The following KDM1A variants were observed in gnomAD, a reference collection of about 807,000 sequenced individuals.
The protein encoded by KDM1A is lysine-specific histone demethylase 1A.
KDM1A carries 49 observed loss-of-function variants against 109.4 expected under a neutral mutation model. That is an observed-to-expected ratio of 0.45 (90% CI 0.36 to 0.57). The LOEUF is 0.57. Ranked by LOEUF, KDM1A falls within the 20% of genes least tolerant of loss-of-function variation. The pLI is 0.00. For synonymous variants in KDM1A, 380 were observed against 415.4 expected, an observed-to-expected ratio of 0.91 and a Z score of 1.04; for missense variants, 668 against 1,116.6, an observed-to-expected ratio of 0.60 and a Z score of 5.73.
In KDM1A at chr1:23,082,403, A is replaced by G. The variant is rs199835411; in HGVS notation, c.2445+37A>G. ...GCAAACTATCTGGGCTTATTTGGGA[A>G]GAGGCCAGGATCTCATGATGTCCCT... On this transcript the variant is annotated intron_variant, in intron 20 of 20. Coordinates refer to ENST00000400181, the MANE Select transcript of KDM1A (RefSeq NM_001009999.3). 75 of 1,579,262 alleles carry G rather than the reference A, an allele frequency of 4.7e-5. No homozygotes were observed. The East Asian group carries it at 1.6e-3, about 33-fold the overall frequency.
chr1:23,061,865 G>A (rs181615157), intron 9 of KDM1A, among the ~76,000 whole-genome samples: 7 of 152,070 alleles, frequency 4.6e-5, no homozygotes, highest in Admixed American at 3.9e-4. Flanking sequence ...TTCCATGTTG[G>A]CCAGGCTGGT....
At position 23,064,113 on chromosome 1, in the gene KDM1A, T is replaced by A. The variant is rs183618145; in HGVS notation, c.1168-1947T>A. Among the ~76,000 whole-genome samples, 408 of 152,340 alleles carry A rather than the reference T, an allele frequency of 2.7e-3. 4 individuals carry two copies. The highest frequency in any genetic ancestry group is 9.1e-3 in the African/African-American group (378 of 41,586). ...TATATTGCCCAGGCTGGTCTCAAAC[T>A]CCTGGGCTCAAGTGATCCTCCTGCT... On this transcript the variant is annotated intron_variant, in intron 9 of 20. Coordinates refer to ENST00000400181, the MANE Select transcript of KDM1A (RefSeq NM_001009999.3).
chr1:23,023,437 A>C (rs1446484587), intron 1 of KDM1A, among the ~76,000 whole-genome samples: 3 of 152,198 alleles, frequency 2.0e-5, no homozygotes, highest in African/African-American at 7.2e-5. Flanking sequence ...ATGTTGTCCC[A>C]GCACAGTTTA....
chr1:23,024,090 C>G (rs995140528), intron 1 of KDM1A, among the ~76,000 whole-genome samples: 1 of 152,174 alleles, frequency 6.6e-6, no homozygotes, highest in Non-Finnish European at 1.5e-5. Flanking sequence ...CTCAATCATT[C>G]CTCCTGCCTC....
At chr1:23,060,329 T>G (rs537062030) in intron 9 of KDM1A, among the ~76,000 whole-genome samples, 1 of 152,350 alleles carries the variant, frequency 6.6e-6, no homozygotes, top group East Asian at 1.9e-4. Flanking sequence ...AAACACGGAC[T>G]GAAGTAGAAA....
At chr1:23,059,248 T>TGCTC in intron 9 of KDM1A, 81 bp downstream of exon 9, 1 of 886,112 alleles carries the variant, frequency 1.1e-6, no homozygotes, top group Non-Finnish European at 1.9e-6. Flanking sequence ...TGGATGAGCA[T>TGCTC]ATACATATAT....
intron 8 of KDM1A, among the ~76,000 whole-genome samples, chr1:23,058,317 G>A (rs1468726500): frequency 6.6e-6 from 1 of 152,112 alleles, no homozygotes. Flanking sequence ...GACCTCAGGT[G>A]ATCCACCCAC....
intron 16 of KDM1A, 91 bp downstream of exon 16, chr1:23,077,451 A>AT: frequency 2.2e-6 from 3 of 1,369,540 alleles, no homozygotes; most frequent in Non-Finnish European, 3.0e-6. Flanking sequence ...ACATTTCCTG[A>AT]TAGAGTGTTT....
At chr1:23,060,325 G>A (rs371010598) in intron 9 of KDM1A, among the ~76,000 whole-genome samples, 20 of 152,080 alleles carry the variant, frequency 1.3e-4, no homozygotes, top group African/African-American at 2.2e-4. Context: ...TTAAAAACAC[G>A]GACTGAAGTA....
At chr1:23,078,415 C>A (rs981774537) in intron 16 of KDM1A, among the ~76,000 whole-genome samples, 3 of 152,156 alleles carry the variant, frequency 2.0e-5, no homozygotes, top group Admixed American at 6.5e-5. Context: ...CATTAAAAAA[C>A]AAACGAGGAA....
intron 9 of KDM1A, among the ~76,000 whole-genome samples, chr1:23,060,790 G>A (rs542143913): frequency 5.9e-5 from 9 of 152,092 alleles, no homozygotes; most frequent in Admixed American, 5.2e-4. Flanking sequence ...ATTGTAGGTT[G>A]GAACTTGAGA....
At chr1:23,039,453 G>A (rs542712962) in intron 2 of KDM1A, among the ~76,000 whole-genome samples, 4 of 152,112 alleles carry the variant, frequency 2.6e-5, no homozygotes, top group South Asian at 4.2e-4. Context: ...AATCCATCTC[G>A]TACAAAGTGG....
In KDM1A at chr1:23,083,641, G is replaced by GT. The variant is rs796134688; in HGVS notation, c.*282dup. 9.0e-5 allele frequency: 23 copies of GT among 255,324 alleles called. No homozygotes were observed. Among genetic ancestry groups the GT allele is most frequent in the African/African-American group, 1.8e-4 (8 of 43,740 alleles). The allele number at this position is 255,324 out of a possible 1,614,324, so 15.8% of individuals were successfully genotyped here. On this transcript the variant is annotated 3_prime_UTR_variant, in exon 21 of 21. Coordinates refer to ENST00000400181, the MANE Select transcript of KDM1A (RefSeq NM_001009999.3). ...TCATCTTAGTCCCTTGGTGTGTGGG[G>GT]TTTTTGTTTTTTTTTTATATTTTGA...
intron 3 of KDM1A, among the ~76,000 whole-genome samples, chr1:23,047,666 C>T (rs1642540348): frequency 6.6e-6 from 1 of 152,098 alleles, no homozygotes; most frequent in Non-Finnish European, 1.5e-5. Context: ...CTTTGGGAGG[C>T]CGAGATGGTG....
chr1:23,060,686 T>C (rs1642973512), intron 9 of KDM1A, among the ~76,000 whole-genome samples: 1 of 152,032 alleles, frequency 6.6e-6, no homozygotes, highest in South Asian at 2.1e-4. Flanking sequence ...AGTAGAGAAG[T>C]CTGTAAAGGA....
At chr1:23,036,094 T>C (rs1326447080) in intron 2 of KDM1A, among the ~76,000 whole-genome samples, 3 of 152,056 alleles carry the variant, frequency 2.0e-5, no homozygotes, top group Non-Finnish European at 4.4e-5. Flanking sequence ...TTTTTAATCA[T>C]GCTGTAACTA....
intron 20 of KDM1A, chr1:23,082,887 G>GTAGT (rs1311539836): frequency 1.0e-4 from 27 of 265,076 alleles, no homozygotes; most frequent in African/African-American, 5.4e-4. Flanking sequence ...CTCCCAGAAG[G>GTAGT]TAGTTATACA....
chr1:23,056,251 A>G (rs1642827959), intron 7 of KDM1A, among the ~76,000 whole-genome samples: 1 of 151,936 alleles, frequency 6.6e-6, no homozygotes, highest in African/African-American at 2.4e-5. Flanking sequence ...GTTTTAGAGT[A>G]TTTCTTTTCC....
chr1:23,023,411 A>G (rs1641701106), intron 1 of KDM1A, among the ~76,000 whole-genome samples: 1 of 152,154 alleles, frequency 6.6e-6, no homozygotes, highest in African/African-American at 2.4e-5. Flanking sequence ...GTAGGGGTTC[A>G]GTTTCATTAT....
Sources: allele counts gnomAD v4.1 joint callset (sites outside exome capture counted in the v4.1 genomes callset), GRCh38; gene constraint gnomAD v4.1.1; transcripts MANE v1.5; gene names NCBI Gene and HGNC (gene_info 2026-07-23, HGNC 2026-07-21).